The following FRAS1 variants were observed in gnomAD, a reference collection of about 807,000 sequenced individuals.
FRAS1 encodes extracellular matrix organizing protein FRAS1.
A neutral mutation model predicts 435.2 loss-of-function variants in FRAS1; 290 were observed. That is an observed-to-expected ratio of 0.67 (90% CI 0.61 to 0.73). The LOEUF (loss-of-function observed/expected upper bound fraction) is 0.73, where lower values mean the gene tolerates loss of function less well. FRAS1 is among the 30% of genes least tolerant of loss of function. FRAS1 has a pLI of 0.00. For missense variants in FRAS1, 4,860 were observed against 5,001.5 expected (o/e 0.97, Z 0.85); for synonymous variants, 1,800 against 1,851.0 (o/e 0.97, Z 0.71).
intron 47 of FRAS1, among the ~76,000 whole-genome samples, chr4:78,455,765 T>C (rs887149098): frequency 3.9e-5 from 6 of 152,198 alleles, no homozygotes; most frequent in Non-Finnish European, 7.3e-5. Flanking sequence ...GTATGCGCTG[T>C]CTTTTCAAGA....
intron 45 of FRAS1, among the ~76,000 whole-genome samples, chr4:78,450,663 G>A (rs976308309): frequency 1.3e-5 from 2 of 152,124 alleles, no homozygotes; most frequent in African/African-American, 4.8e-5. Context: ...AGTGAGTTGG[G>A]ATGGATTAAG....
In FRAS1 at chr4:78,513,527, C is replaced by G. The variant is rs35321934; in HGVS notation, c.10149C>G (p.Thr3383=). ...AGCACGTCTGCTCCAATTTAGTTAC[C>G]ACCTATGACCTGAGAGGCATCTCAG... is the stretch of plus-strand genomic sequence containing the variant. ...RHQHVCSNLV[T]TYDLRGISEA... The change falls in exon 65 of 74, where the codon ACC becomes ACG. Residue 3383 remains threonine, a synonymous_variant. Coordinates refer to ENST00000512123, the MANE Select transcript of FRAS1 (RefSeq NM_025074.7). The G allele has an allele frequency of 6.2e-7, 1 of 1,613,692 alleles. No homozygotes were observed. Among genetic ancestry groups the G allele is most frequent in the Non-Finnish European group, 8.5e-7 (1 of 1,179,844 alleles).
intron 14 of FRAS1, 99 bp from the exon 15 acceptor site, chr4:78,307,967 A>G (rs1728855600): frequency 6.5e-6 from 8 of 1,238,648 alleles, no homozygotes; most frequent in South Asian, 3.3e-5. Flanking sequence ...TAAGGAACCA[A>G]CTGACATCCT....
rs886889939 is a variant in FRAS1 at position 78,513,942 on chromosome 4, C to T, written c.10174+390C>T. Among the ~76,000 whole-genome samples the T allele has an allele frequency of 3.9e-5, 6 of 152,202 alleles. No homozygotes were observed. In the East Asian group the frequency reaches 1.2e-3, roughly 29 times the overall value. Reference sequence around the variant, plus strand: ...TAGAGTGAGCATGTTTACATTGGTGCTCCAAAAACCTGTTATAGAAAGCTG... The same window carrying T: ...TAGAGTGAGCATGTTTACATTGGTGTTCCAAAAACCTGTTATAGAAAGCTG... On this transcript the variant is annotated intron_variant, in intron 65 of 73. Coordinates refer to ENST00000512123, the MANE Select transcript of FRAS1 (RefSeq NM_025074.7).
In FRAS1 at chr4:78,446,523, C is replaced by T. The variant is rs1718835467; in HGVS notation, c.5857-204C>T. Reference sequence around the variant, plus strand: ...GAGAAAACTTTTATGAAATGTCCATCAGCTTCTTTTGAAGGGGGCATTTTG... The same window carrying T: ...GAGAAAACTTTTATGAAATGTCCATTAGCTTCTTTTGAAGGGGGCATTTTG... On this transcript the variant is annotated intron_variant, in intron 42 of 73. Transcript: ENST00000512123. The T allele has an allele frequency of 2.2e-6, 3 of 1,357,488 alleles. No individual in the cohort carries two copies. The South Asian group carries it at 5.6e-5, about 25-fold the overall frequency. The allele number at this position is 1,357,488 out of a possible 1,614,324, so 84.1% of individuals were successfully genotyped here.
At chr4:78,482,669 C>T (rs1437978558) in intron 58 of FRAS1, 134 bp downstream of exon 58, 2 of 914,354 alleles carry the variant, frequency 2.2e-6, no homozygotes, top group Non-Finnish European at 3.4e-6. Flanking sequence ...TATACGTGAG[C>T]ATTTGCACTT....
At position 78,282,980 on chromosome 4, in the gene FRAS1, C is replaced by A. The variant is rs763587572; in HGVS notation, c.1255+13C>A. ...GACTGCACATCAGGTGGGTCCATGT[C>A]TCCTCTGTTTCTACTGAGATAGTTT... On this transcript the variant is annotated intron_variant, in intron 12 of 73. Coordinates refer to ENST00000512123, the MANE Select transcript of FRAS1 (RefSeq NM_025074.7). 1 of 1,473,150 alleles carries A rather than the reference C, an allele frequency of 6.8e-7. No homozygotes were observed. Among genetic ancestry groups the A allele is most frequent in the South Asian group, 1.5e-5 (1 of 66,012 alleles). The allele number at this position is 1,473,150 out of a possible 1,614,324, so 91.3% of individuals were successfully genotyped here.
In FRAS1 at chr4:78,241,753, G is replaced by A. The variant is rs890510016; in HGVS notation, c.217-3480G>A. The stretch of plus-strand genomic sequence containing the variant: ...AACCAGGAGGCCCAGGTTCATTGGA[G>A]TGTGGACAGATTTTAAGGTTGGCTA... On this transcript the variant is annotated intron_variant, in intron 3 of 73. Coordinates refer to ENST00000512123, the MANE Select transcript of FRAS1 (RefSeq NM_025074.7). 4.6e-5 allele frequency among the ~76,000 whole-genome samples: 7 copies of A among 152,314 alleles called. 2 individuals are homozygous for A. Among genetic ancestry groups the A allele is most frequent in the Admixed American group, 4.6e-4 (7 of 15,306 alleles).
chr4:78,381,750 G>A lies in FRAS1; in HGVS notation c.3563+1754G>A, dbSNP rs557660490. Among the ~76,000 whole-genome samples the A allele has an allele frequency of 3.9e-5, 6 of 152,176 alleles. No homozygotes were observed. The East Asian group carries it at 9.7e-4, about 24-fold the overall frequency. On this transcript the variant is annotated intron_variant, in intron 27 of 73. Coordinates refer to ENST00000512123, the MANE Select transcript of FRAS1 (RefSeq NM_025074.7). ...TAACATCTTTAACCTCTCATCACCTGTTTTTTTGTGGAATCATAGCTTTGT... is the reference window on the plus strand; with the variant it reads ...TAACATCTTTAACCTCTCATCACCTATTTTTTTGTGGAATCATAGCTTTGT...
In FRAS1 at chr4:78,282,935, T is replaced by C. The variant is rs745425179; in HGVS notation, c.1223T>C (p.Val408Ala). The change falls in exon 12 of 74, where the codon GTG becomes GCG. Residue 408 changes from valine (V) to alanine (A), a missense_variant. Val to Ala is a moderately conservative substitution (Grantham distance 64). Coordinates refer to ENST00000512123, the MANE Select transcript of FRAS1 (RefSeq NM_025074.7). Reference sequence around the variant, plus strand: ...CCAGTGGGCACACTGGCCTTAGAGGTGAAGGGACAGTGCTGTCCAGACTGC... The same window carrying C: ...CCAGTGGGCACACTGGCCTTAGAGGCGAAGGGACAGTGCTGTCCAGACTGC... ...PCPVGTLALE[V>A]KGQCCPDCTS... 3 of 1,606,510 alleles carry C rather than the reference T, an allele frequency of 1.9e-6. No homozygotes were observed. The highest frequency in any genetic ancestry group is 1.7e-5 in the Admixed American group (1 of 59,070).
intron 70 of FRAS1, among the ~76,000 whole-genome samples, chr4:78,532,581 A>C (rs943745263): frequency 1.3e-5 from 2 of 152,142 alleles, no homozygotes; most frequent in African/African-American, 2.4e-5. Flanking sequence ...TATTATTGCA[A>C]CTTTGCACCT....
At chr4:78,437,739 G>A (rs1023224570) in intron 38 of FRAS1, among the ~76,000 whole-genome samples, 1 of 152,170 alleles carries the variant, frequency 6.6e-6, no homozygotes, top group Non-Finnish European at 1.5e-5. Flanking sequence ...CTGTGGTAAA[G>A]GGCAGAGTGC....
chr4:78,323,595 G>T (rs545093053), intron 18 of FRAS1, among the ~76,000 whole-genome samples: 2 of 152,130 alleles, frequency 1.3e-5, no homozygotes, highest in African/African-American at 4.8e-5. Context: ...AGGTCTGTAG[G>T]GGGAGGGGTT....
chr4:78,400,954 A>G (rs1732869588), intron 30 of FRAS1, 67 bp downstream of exon 30: 1 of 1,465,644 alleles, frequency 6.8e-7, no homozygotes, highest in Non-Finnish European at 9.3e-7. Flanking sequence ...GCTACTGTAT[A>G]GTGCCATGTG....
intron 2 of FRAS1, among the ~76,000 whole-genome samples, chr4:78,099,634 C>G (rs1367987988): frequency 3.9e-5 from 6 of 152,186 alleles, no homozygotes. Flanking sequence ...TGAGAAAACC[C>G]TGGCCAGAGA....
At position 78,489,019 on chromosome 4, in the gene FRAS1, A is replaced by G; in HGVS notation, c.8897A>G (p.Glu2966Gly). The G allele has an allele frequency of 6.2e-7, 1 of 1,613,700 alleles. No homozygotes were observed. The highest frequency in any genetic ancestry group is 1.7e-4 in the Middle Eastern group (1 of 6,054). ...YTQSHSAQVM[E>G]DFEERQNADS... is the part of the protein sequence containing the mutation. The stretch of plus-strand genomic sequence containing the variant: ...CAGAGCCATTCCGCTCAGGTCATGG[A>G]GGACTTTGAGGAGAGACAAAATGCA... Residue 2966 changes from glutamate (E) to glycine (G), a missense_variant, in exon 59 of 74, where the codon GAG (glutamate) becomes GGG (glycine). Physicochemically the swap from Glu to Gly is moderately conservative, Grantham distance 98. Coordinates refer to ENST00000512123, the MANE Select transcript of FRAS1 (RefSeq NM_025074.7).
intron 2 of FRAS1, among the ~76,000 whole-genome samples, chr4:78,213,275 C>T (rs546183167): frequency 6.6e-6 from 1 of 152,328 alleles, no homozygotes; most frequent in African/African-American, 2.4e-5. Flanking sequence ...TAAGGTTTGT[C>T]CCCCCATTTG....
chr4:78,251,203 G>T (rs564941509), intron 4 of FRAS1, among the ~76,000 whole-genome samples: 1 of 152,224 alleles, frequency 6.6e-6, no homozygotes, highest in East Asian at 1.9e-4. Flanking sequence ...TTTCTATGCT[G>T]TACTAAATTT....
chr4:78,182,619 T>G (rs1200107521), intron 2 of FRAS1, among the ~76,000 whole-genome samples: 1 of 151,984 alleles, frequency 6.6e-6, no homozygotes, highest in African/African-American at 2.4e-5. Flanking sequence ...GGCTCACACC[T>G]GTAATCCCAG....
Sources: gnomAD v4.1 joint callset for allele counts (sites outside exome capture counted in the v4.1 genomes callset) on GRCh38, gnomAD v4.1.1 for gene constraint, MANE v1.5 for transcripts, NCBI Gene and HGNC (gene_info 2026-07-23, HGNC 2026-07-21) for gene names.